ZMYND8: variants seen among roughly 807,000 people sequenced by gnomAD.
ZMYND8 encodes MYND-type zinc finger-containing chromatin reader ZMYND8.
In ZMYND8, 37 loss-of-function variants were observed where a neutral mutation model predicts 140.8. The ratio of observed to expected loss-of-function variants is 0.26; its 90% CI spans 0.20 to 0.35. The LOEUF (loss-of-function observed/expected upper bound fraction) is 0.35, where lower values mean the gene tolerates loss of function less well. ZMYND8 is among the 10% of genes least tolerant of loss of function. The pLI, the probability that ZMYND8 is intolerant of heterozygous loss-of-function variation, is 1.00. For synonymous variants in ZMYND8, 592 were observed against 597.1 expected (o/e 0.99, Z 0.12); for missense variants, 1,068 against 1,570.0 (o/e 0.68, Z 5.40).
chr20:47,299,564 C>T (rs891172848), intron 3 of ZMYND8, among the ~76,000 whole-genome samples: 14 of 149,454 alleles, frequency 9.4e-5, no homozygotes, highest in Non-Finnish European at 1.6e-4. Flanking sequence ...AAATGGTTAC[C>T]TAATTTTTTT....
rs144873781 is a variant in ZMYND8 at position 47,249,382 on chromosome 20, G to C, written c.1679C>G (p.Ser560Cys). Residue 560 changes from serine (S) to cysteine (C), a missense_variant, in exon 13 of 23, where the codon TCC (serine) becomes TGC (cysteine). Transcript: ENST00000471951. ...KELSESVQQQ[S>C]TPVPLISPKR... Reference sequence around the variant, plus strand: ...GGGAGAGATGAGAGGAACAGGGGTGGACTGTTGCTGGACCGACTCGCTCAG... The same window carrying C: ...GGGAGAGATGAGAGGAACAGGGGTGCACTGTTGCTGGACCGACTCGCTCAG... 1.9e-6 allele frequency: 3 copies of C among 1,614,150 alleles called. No individual in the cohort carries two copies. Among genetic ancestry groups the C allele is most frequent in the Non-Finnish European group, 2.5e-6 (3 of 1,180,024 alleles).
rs755583896 is a variant in ZMYND8 at position 47,229,813 on chromosome 20, GAT to G, written c.2857-9_2857-8del. ...CTTTTATTGCATCCATCATCTGAAA[GAT>G]AAAAACAGAAACAATTCAGCTGATC... On this transcript the variant is annotated splice_region_variant and splice_polypyrimidine_tract_variant and intron_variant, in intron 16 of 22. Coordinates refer to ENST00000471951, the MANE Select transcript of ZMYND8 (RefSeq NM_001281775.3). 2.6e-5 allele frequency: 42 copies of G among 1,607,304 alleles called. 1 individual carries two copies. In the South Asian group the frequency reaches 4.4e-4, roughly 17 times the overall value.
chr20:47,272,084 T>A (rs2075985438), intron 11 of ZMYND8, among the ~76,000 whole-genome samples: 1 of 151,528 alleles, frequency 6.6e-6, no homozygotes, highest in Non-Finnish European at 1.5e-5. Flanking sequence ...TGAAACCTCT[T>A]TTTTTTTCTT....
At chr20:47,326,647 T>C (rs2080443255) in intron 2 of ZMYND8, among the ~76,000 whole-genome samples, 1 of 152,172 alleles carries the variant, frequency 6.6e-6, no homozygotes, top group South Asian at 2.1e-4. Flanking sequence ...TCTCCAAGTC[T>C]GCCCCTGCTA....
chr20:47,235,467 G>C (rs1282375854), intron 16 of ZMYND8, among the ~76,000 whole-genome samples: 1 of 152,118 alleles, frequency 6.6e-6, no homozygotes, highest in Non-Finnish European at 1.5e-5. Flanking sequence ...CACTTTGAGA[G>C]GCCGAGGTGG....
At chr20:47,334,387 G>A (rs550164554) in intron 2 of ZMYND8, among the ~76,000 whole-genome samples, 2 of 151,998 alleles carry the variant, frequency 1.3e-5, no homozygotes, top group Admixed American at 6.6e-5. Context: ...CTAAGTGAAC[G>A]AACTCAGACC....
chr20:47,251,951 C>G (rs1035623672), intron 12 of ZMYND8, among the ~76,000 whole-genome samples: 2 of 150,820 alleles, frequency 1.3e-5, no homozygotes, highest in Non-Finnish European at 3.0e-5. Flanking sequence ...ATTTTTGACA[C>G]TAAAGTTTAC....
intron 2 of ZMYND8, among the ~76,000 whole-genome samples, chr20:47,338,428 G>T (rs1382465525): frequency 6.8e-6 from 1 of 146,308 alleles, no homozygotes; most frequent in East Asian, 2.0e-4. Flanking sequence ...CAGGCTGGAG[G>T]AAAAAAAAAA....
chr20:47,295,805 A>G (rs1156872144), intron 4 of ZMYND8, among the ~76,000 whole-genome samples: 1 of 152,256 alleles, frequency 6.6e-6, no homozygotes, highest in Non-Finnish European at 1.5e-5. Flanking sequence ...ATCTGGTACT[A>G]CATCTTAAGG....
chr20:47,327,244 G>A (rs1005072193), intron 2 of ZMYND8, among the ~76,000 whole-genome samples: 2 of 151,812 alleles, frequency 1.3e-5, no homozygotes, highest in Admixed American at 6.6e-5. Context: ...TCCAACTCCC[G>A]ACCGCCCACC....
intron 2 of ZMYND8, among the ~76,000 whole-genome samples, chr20:47,329,749 G>A (rs1307985762): frequency 6.6e-6 from 1 of 152,166 alleles, no homozygotes; most frequent in Admixed American, 6.6e-5. Flanking sequence ...TGGCGACTGT[G>A]TTGGACAGCA....
At chr20:47,347,014 C>T (rs937777148) in intron 2 of ZMYND8, among the ~76,000 whole-genome samples, 8 of 152,216 alleles carry the variant, frequency 5.3e-5, no homozygotes, top group African/African-American at 1.9e-4. Flanking sequence ...CGGCAGTATG[C>T]AGTAACCCTG....
intron 17 of ZMYND8, 114 bp downstream of exon 17, chr20:47,229,612 G>T: frequency 1.1e-6 from 1 of 941,486 alleles, no homozygotes; most frequent in Non-Finnish European, 1.6e-6. Context: ...AGCCAGCTTA[G>T]TGACCAAGCC....
chr20:47,285,028 C>G (rs1013114122), intron 8 of ZMYND8, among the ~76,000 whole-genome samples: 4 of 152,106 alleles, frequency 2.6e-5, no homozygotes, highest in African/African-American at 9.7e-5. Context: ...TTAGAGTGTG[C>G]TGGTATCATT....
At position 47,221,357 on chromosome 20, in the gene ZMYND8, T is replaced by C. The variant is rs750510897; in HGVS notation, c.3374A>G (p.Lys1125Arg). 24 of 1,614,054 alleles carry C rather than the reference T, an allele frequency of 1.5e-5. No homozygotes were observed. In the Admixed American group the frequency reaches 4.0e-4, roughly 27 times the overall value. The change falls in exon 20 of 23, where the codon AAA becomes AGA. Residue 1125 changes from lysine (K) to arginine (R), a missense_variant. Lys to Arg is a conservative substitution (Grantham distance 26). Transcript: ENST00000471951. ...SAPSETASASKEKETSAEKSK... is the reference protein window; with the variant it reads ...SAPSETASASREKETSAEKSK... ...TTTCTCAGCTGACGTCTCCTTCTCT[T>C]TGGAGGCGCTGGCCGTTTCTGAAGG... is the stretch of plus-strand genomic sequence containing the variant.
At chr20:47,309,946 G>A in intron 3 of ZMYND8, 110 bp downstream of exon 3, 2 of 1,437,714 alleles carry the variant, frequency 1.4e-6, no homozygotes, top group Non-Finnish European at 9.6e-7. Context: ...CCAGCGCAAG[G>A]CAGCTAACTA....
At chr20:47,304,456 TA>T in intron 3 of ZMYND8, among the ~76,000 whole-genome samples, 1 of 152,274 alleles carries the variant, frequency 6.6e-6, no homozygotes, top group Admixed American at 6.5e-5. Flanking sequence ...TGTGTGCCAA[TA>T]AAACTCTATA....
intron 5 of ZMYND8, 34 bp from the exon 6 acceptor site, chr20:47,291,922 C>T (rs748609430): frequency 5.1e-6 from 8 of 1,562,098 alleles, no homozygotes; most frequent in Non-Finnish European, 5.2e-6. Context: ...GGAACGAACC[C>T]ATCATTACTA....
At chr20:47,227,615 G>T (rs1173552870) in intron 17 of ZMYND8, among the ~76,000 whole-genome samples, 2 of 151,062 alleles carry the variant, frequency 1.3e-5, no homozygotes, top group Non-Finnish European at 3.0e-5. Flanking sequence ...AAGATAGCTG[G>T]ATTTTCACTC....
Sources: gnomAD v4.1 joint callset for allele counts (sites outside exome capture counted in the v4.1 genomes callset) on GRCh38, gnomAD v4.1.1 for gene constraint, MANE v1.5 for transcripts, NCBI Gene and HGNC (gene_info 2026-07-23, HGNC 2026-07-21) for gene names.